MAN2A1: variants seen among roughly 807,000 people sequenced by gnomAD.
The protein encoded by MAN2A1 is mannosidase alpha class 2A member 1, also known as alpha-mannosidase 2.
A neutral mutation model predicts 142.6 loss-of-function variants in MAN2A1; 76 were observed. The observed-to-expected ratio is 0.53, with a 90% confidence interval of 0.44 to 0.65. The LOEUF (loss-of-function observed/expected upper bound fraction) is 0.65, where lower values mean the gene tolerates loss of function less well. MAN2A1 is among the 30% of genes least tolerant of loss of function. The probability of loss-of-function intolerance (pLI) is 0.00; values close to 1 mark genes in which losing one functional copy is unlikely to be tolerated. For missense variants in MAN2A1, 1,311 were observed against 1,365.1 expected (o/e 0.96, Z 0.62); for synonymous variants, 559 against 473.2 (o/e 1.18, Z -2.35).
chr5:109,721,392 T>C (rs1334429528), intron 3 of MAN2A1, among the ~76,000 whole-genome samples: 1 of 152,198 alleles, frequency 6.6e-6, no homozygotes, highest in Non-Finnish European at 1.5e-5. Context: ...CAAACAAAAA[T>C]ATAGAATGCT....
At chr5:109,822,938 A>C (rs1376453792) in intron 15 of MAN2A1, among the ~76,000 whole-genome samples, 1 of 152,152 alleles carries the variant, frequency 6.6e-6, no homozygotes, top group Non-Finnish European at 1.5e-5. Flanking sequence ...CGGCCTCCCA[A>C]AGTGCTAGGG....
At chr5:109,743,715 C>T (rs1752330172) in intron 4 of MAN2A1, among the ~76,000 whole-genome samples, 1 of 152,222 alleles carries the variant, frequency 6.6e-6, no homozygotes, top group South Asian at 2.1e-4. Context: ...TGAAAACCTC[C>T]AAATGGCCTT....
intron 16 of MAN2A1, among the ~76,000 whole-genome samples, chr5:109,831,971 T>C (rs1754918967): frequency 6.6e-6 from 1 of 151,798 alleles, no homozygotes; most frequent in African/African-American, 2.4e-5. Context: ...TTTTATTTTA[T>C]AAATTTTAAT....
rs574095497 is a variant in MAN2A1, at chr5:109,857,551, T to C, written c.3171+2217T>C. Reference sequence around the variant, plus strand: ...TTCTAGGTGGCTCCTCCACTGTAGTTGTTTTAAATGTGATTGTTTTCTGGA... The same window carrying C: ...TTCTAGGTGGCTCCTCCACTGTAGTCGTTTTAAATGTGATTGTTTTCTGGA... On this transcript the variant is annotated intron_variant, in intron 20 of 21. Transcript: ENST00000261483. Among the ~76,000 whole-genome samples the C allele has an allele frequency of 1.2e-4, 19 of 152,284 alleles. No homozygotes were observed. The South Asian group carries it at 3.9e-3, about 32-fold the overall frequency.
chr5:109,746,574 T>G (rs76675141), intron 4 of MAN2A1, among the ~76,000 whole-genome samples: 11 of 137,492 alleles, frequency 8.0e-5, no homozygotes, highest in Non-Finnish European at 1.8e-4. Context: ...TTGTGCTGGT[T>G]TTTTTTTTTT....
intron 7 of MAN2A1, among the ~76,000 whole-genome samples, chr5:109,774,218 G>A (rs1275537380): frequency 6.6e-6 from 1 of 151,842 alleles, no homozygotes; most frequent in South Asian, 2.1e-4. Flanking sequence ...ACAAGTGTGT[G>A]GATTTTTTTT....
intron 4 of MAN2A1, among the ~76,000 whole-genome samples, chr5:109,746,789 A>G (rs1266197806): frequency 2.0e-5 from 3 of 152,142 alleles, no homozygotes; most frequent in Non-Finnish European, 4.4e-5. Context: ...TGCTCCTGGC[A>G]ACCACTGTTC....
At chr5:109,824,081 G>C (rs1754699136) in intron 16 of MAN2A1, among the ~76,000 whole-genome samples, 1 of 152,086 alleles carries the variant, frequency 6.6e-6, no homozygotes, top group African/African-American at 2.4e-5. Flanking sequence ...TATTGGTCTT[G>C]AGCTCATTAA....
intron 16 of MAN2A1, among the ~76,000 whole-genome samples, chr5:109,833,464 T>A (rs913295169): frequency 6.6e-6 from 1 of 152,106 alleles, no homozygotes; most frequent in African/African-American, 2.4e-5. Context: ...GGTTAGGAGC[T>A]GGAGACCAGC....
Position 109,842,447 on chromosome 5 carries a change from C to T in MAN2A1, c.2686C>T (p.Leu896=). 1 of 1,558,278 alleles carries T rather than the reference C, an allele frequency of 6.4e-7. No individual in the cohort carries two copies. Among genetic ancestry groups the T allele is most frequent in the Non-Finnish European group, 8.8e-7 (1 of 1,141,040 alleles). ...IKSQNRFYTD[L]NGYQIQPRMT... ...AAGCCAAAATAGATTTTATACTGAC[C>T]TAAATGGGTACCAGGTAATTTTTCC... Residue 896 remains leucine, a synonymous_variant, in exon 17 of 22, where the codon CTA becomes TTA. Coordinates refer to ENST00000261483, the MANE Select transcript of MAN2A1 (RefSeq NM_002372.4).
chr5:109,844,545 A>G (rs1755298500), intron 17 of MAN2A1, among the ~76,000 whole-genome samples: 2 of 152,076 alleles, frequency 1.3e-5, no homozygotes, highest in East Asian at 1.9e-4. Flanking sequence ...CAAGGCTGCC[A>G]TACAAATGGA....
chr5:109,798,875 G>A (rs1251971039), intron 12 of MAN2A1, among the ~76,000 whole-genome samples: 15 of 152,068 alleles, frequency 9.9e-5, no homozygotes, highest in Admixed American at 9.8e-4. Context: ...TGTATTTTTA[G>A]TAGAGACTGG....
chr5:109,750,718 T>G (rs1426080852), intron 4 of MAN2A1, among the ~76,000 whole-genome samples: 5 of 152,118 alleles, frequency 3.3e-5, no homozygotes, highest in Non-Finnish European at 7.4e-5. Context: ...ATCCCTTGGC[T>G]TCCATGACAT....
intron 15 of MAN2A1, among the ~76,000 whole-genome samples, chr5:109,821,107 A>G (rs1754611277): frequency 6.6e-6 from 1 of 152,190 alleles, no homozygotes; most frequent in Non-Finnish European, 1.5e-5. Flanking sequence ...AAACATTAAA[A>G]TTTACCAACA....
intron 4 of MAN2A1, among the ~76,000 whole-genome samples, chr5:109,748,161 A>G (rs1354059348): frequency 2.6e-5 from 4 of 152,182 alleles, no homozygotes; most frequent in Admixed American, 6.6e-5. Context: ...TTCAGTGAGC[A>G]TGGATGAAAG....
intron 4 of MAN2A1, among the ~76,000 whole-genome samples, chr5:109,739,249 A>C (rs1392517263): frequency 1.3e-5 from 2 of 152,088 alleles, no homozygotes; most frequent in Admixed American, 1.3e-4. Context: ...CACTTACTTT[A>C]TTTATGAAAT....
chr5:109,814,927 A>C (rs1398754283), intron 12 of MAN2A1, among the ~76,000 whole-genome samples: 1 of 152,190 alleles, frequency 6.6e-6, no homozygotes, highest in Non-Finnish European at 1.5e-5. Context: ...TTCTAGGCTT[A>C]GTGTGCCTAG....
At chr5:109,707,629 G>A (rs921713810) in intron 1 of MAN2A1, among the ~76,000 whole-genome samples, 3 of 152,164 alleles carry the variant, frequency 2.0e-5, no homozygotes, top group South Asian at 2.1e-4. Flanking sequence ...AGACTGGCTG[G>A]GGAAGGCTAT....
At chr5:109,836,197 C>T (rs1283076739) in intron 16 of MAN2A1, among the ~76,000 whole-genome samples, 1 of 152,002 alleles carries the variant, frequency 6.6e-6, no homozygotes, top group Non-Finnish European at 1.5e-5. Flanking sequence ...GCAACCTCTG[C>T]CTCCTAGGTT....
Sources: gnomAD v4.1 joint callset for allele counts (sites outside exome capture counted in the v4.1 genomes callset) on GRCh38, gnomAD v4.1.1 for gene constraint, MANE v1.5 for transcripts, NCBI Gene and HGNC (gene_info 2026-07-23, HGNC 2026-07-21) for gene names.